TEKT5: variants seen among roughly 807,000 people sequenced by gnomAD.
TEKT5 encodes tektin 5.
A neutral mutation model predicts 48.7 loss-of-function variants in TEKT5; 52 were observed. The observed-to-expected ratio is 1.07, with a 90% CI of 0.86 to 1.35. TEKT5 has a LOEUF of 1.35. TEKT5 is among the 40% of genes most tolerant of loss of function. TEKT5 has a pLI of 0.00. For missense variants in TEKT5, 831 were observed against 641.6 expected, an observed-to-expected ratio of 1.30 and a Z score of -3.19; for synonymous variants, 318 against 267.6, an observed-to-expected ratio of 1.19 and a Z score of -1.84.
At chr16:10,654,253 G>A (rs932009245) in intron 5 of TEKT5, among the ~76,000 whole-genome samples, 3 of 152,042 alleles carry the variant, frequency 2.0e-5, no homozygotes, top group Admixed American at 1.3e-4. Flanking sequence ...GTTTTCCCGC[G>A]TTGGCCAGGC....
chr16:10,690,529 G>T, intron 1 of TEKT5: 1 of 975,176 alleles, frequency 1.0e-6, no homozygotes, highest in Non-Finnish European at 1.2e-6. Flanking sequence ...CTATCTCACA[G>T]GTTCATTGTG....
chr16:10,681,577 G>T (rs1898752022), intron 4 of TEKT5, among the ~76,000 whole-genome samples: 3 of 151,074 alleles, frequency 2.0e-5, no homozygotes, highest in Non-Finnish European at 4.4e-5. Flanking sequence ...CCCTGCCGAG[G>T]TTGTCACTTG....
intron 3 of TEKT5, among the ~76,000 whole-genome samples, chr16:10,684,394 TC>T (rs1464702087): frequency 6.6e-6 from 1 of 150,532 alleles, no homozygotes; most frequent in East Asian, 1.9e-4. Flanking sequence ...CTCCCCTCCA[TC>T]TTTTTTTTTT....
At chr16:10,648,506 T>G (rs757301484) in intron 5 of TEKT5, among the ~76,000 whole-genome samples, 8 of 152,106 alleles carry the variant, frequency 5.3e-5, no homozygotes, top group Non-Finnish European at 8.8e-5. Flanking sequence ...TTTATTTATT[T>G]TTGTTAGTAG....
intron 5 of TEKT5, among the ~76,000 whole-genome samples, chr16:10,675,013 C>G (rs566589051): frequency 2.1e-3 from 312 of 151,890 alleles, no homozygotes; most frequent in Non-Finnish European, 3.2e-3. Context: ...TTTAGTAGAG[C>G]CAGGGTTTCA....
chr16:10,685,956 G>T (rs553000838), intron 3 of TEKT5, among the ~76,000 whole-genome samples: 14 of 152,146 alleles, frequency 9.2e-5, no homozygotes, highest in Non-Finnish European at 1.9e-4. Flanking sequence ...TCTGGGATTA[G>T]TTCACTCTGC....
At chr16:10,629,243 T>C (rs1897799789) in intron 6 of TEKT5, among the ~76,000 whole-genome samples, 1 of 151,858 alleles carries the variant, frequency 6.6e-6, no homozygotes, top group African/African-American at 2.4e-5. Flanking sequence ...GTTACATGTA[T>C]TTTATCACAA....
rs1567237358 is a variant in TEKT5, at chr16:10,690,028, G to A, written c.565-3C>T. 6.2e-7 allele frequency: 1 copy of A among 1,613,896 alleles called. No homozygotes were observed. Among genetic ancestry groups the A allele is most frequent in the Non-Finnish European group, 8.5e-7 (1 of 1,179,986 alleles). On this transcript the variant is annotated splice_polypyrimidine_tract_variant and splice_region_variant and intron_variant, in intron 1 of 6. Coordinates refer to ENST00000283025, the MANE Select transcript of TEKT5 (RefSeq NM_144674.2). ...TGGTACAGACACTCCAAGGCCACCT[G>A]TGGGAAGCAGCAGAAAGAACGTATT... is the stretch of plus-strand genomic sequence containing the variant.
In TEKT5 at chr16:10,685,032, C is replaced by T. The variant is rs186555511; in HGVS notation, c.720-2896G>A. On this transcript the variant is annotated intron_variant, in intron 3 of 6. Coordinates refer to ENST00000283025, the MANE Select transcript of TEKT5 (RefSeq NM_144674.2). Reference sequence around the variant, plus strand: ...GGCTAATGAGGCTCTGGCTGGCTCTCGGTTAATTAGTATAACCCCAATCCC... The same window carrying T: ...GGCTAATGAGGCTCTGGCTGGCTCTTGGTTAATTAGTATAACCCCAATCCC... Among the ~76,000 whole-genome samples the T allele has an allele frequency of 5.1e-4, 77 of 152,334 alleles. No homozygotes were observed. In the East Asian group the frequency reaches 0.013, roughly 25 times the overall value.
At chr16:10,668,681 G>C (rs569847429) in intron 5 of TEKT5, among the ~76,000 whole-genome samples, 2 of 152,224 alleles carry the variant, frequency 1.3e-5, no homozygotes, top group Admixed American at 1.3e-4. Flanking sequence ...TGGCTGCTTG[G>C]GAGTCAAAAC....
chr16:10,669,241 G>T (rs1898513388), intron 5 of TEKT5, among the ~76,000 whole-genome samples: 1 of 152,088 alleles, frequency 6.6e-6, no homozygotes, highest in African/African-American at 2.4e-5. Context: ...GCTGAGGCCG[G>T]TGGATCACCT....
At chr16:10,689,834 C>T in intron 2 of TEKT5, 108 bp downstream of exon 2, 2 of 1,080,024 alleles carry the variant, frequency 1.9e-6, no homozygotes, top group South Asian at 2.8e-5. Flanking sequence ...ACTTTCCACA[C>T]AGTGACACGT....
At chr16:10,686,041 G>A (rs893354718) in intron 3 of TEKT5, among the ~76,000 whole-genome samples, 6 of 152,070 alleles carry the variant, frequency 3.9e-5, no homozygotes, top group Non-Finnish European at 7.4e-5. Flanking sequence ...ACATCCCATC[G>A]CAGCTACAAA....
intron 5 of TEKT5, among the ~76,000 whole-genome samples, chr16:10,641,629 G>A (rs916203526): frequency 6.6e-6 from 1 of 152,100 alleles, no homozygotes; most frequent in African/African-American, 2.4e-5. Context: ...AGACCAGACT[G>A]GGGCAACATA....
In TEKT5 at chr16:10,694,773, T is replaced by C; in HGVS notation, c.101A>G (p.Glu34Gly). The change falls in exon 1 of 7, where the codon GAA becomes GGA. Residue 34 changes from glutamate (E) to glycine (G), a missense_variant. Coordinates refer to ENST00000283025, the MANE Select transcript of TEKT5 (RefSeq NM_144674.2). The part of the protein sequence containing the change: ...LPAVQAPVIQ[E>G]CYQPYYLPGY... ...GGGCAGGTAGTAGGGCTGATAGCAT[T>C]CCTGGATCACTGGCGCCTGTACAGC... The C allele has an allele frequency of 6.2e-7, 1 of 1,613,988 alleles. No homozygotes were observed. Among genetic ancestry groups the C allele is most frequent in the Non-Finnish European group, 8.5e-7 (1 of 1,179,942 alleles).
chr16:10,650,064 T>C (rs1027481890), intron 5 of TEKT5, among the ~76,000 whole-genome samples: 1 of 151,630 alleles, frequency 6.6e-6, no homozygotes, highest in Non-Finnish European at 1.5e-5. Context: ...TCTTTTTTTA[T>C]TTTTATTTTT....
intron 5 of TEKT5, among the ~76,000 whole-genome samples, chr16:10,636,367 C>A (rs1461094235): frequency 2.3e-5 from 3 of 131,380 alleles, no homozygotes; most frequent in Non-Finnish European, 5.0e-5. Context: ...AAGAGCGAGA[C>A]TTTGTCTCAA....
chr16:10,687,067 G>C (rs371937563), intron 3 of TEKT5, among the ~76,000 whole-genome samples: 2 of 152,174 alleles, frequency 1.3e-5, no homozygotes, highest in East Asian at 1.9e-4. Context: ...TAGAATGGTT[G>C]TTACCAGAGG....
At position 10,636,236 on chromosome 16, in the gene TEKT5, G is replaced by T. The variant is rs771852767; in HGVS notation, c.1087-318C>A. On this transcript the variant is annotated intron_variant, in intron 5 of 6. Coordinates refer to ENST00000283025, the MANE Select transcript of TEKT5 (RefSeq NM_144674.2). The stretch of plus-strand genomic sequence containing the variant: ...CTAAAAAAACAAAAATTAGCCGGGC[G>T]TGGTGGCAGGCGCCTGTAATCCCAG... Among the ~76,000 whole-genome samples, 10 of 152,262 alleles carry T rather than the reference G, an allele frequency of 6.6e-5. No homozygotes were observed. In the East Asian group the frequency reaches 1.5e-3, roughly 24 times the overall value.
Sources: allele counts gnomAD v4.1 joint callset (sites outside exome capture counted in the v4.1 genomes callset), GRCh38; gene constraint gnomAD v4.1.1; transcripts MANE v1.5; gene names NCBI Gene and HGNC (gene_info 2026-07-23, HGNC 2026-07-21).